The following FGF18 variants were observed in gnomAD, a reference collection of about 807,000 sequenced individuals.
FGF18 encodes fibroblast growth factor 18.
A neutral mutation model predicts 23.0 loss-of-function variants in FGF18; 5 were observed. The ratio of observed to expected loss-of-function variants is 0.22; its 90% CI spans 0.11 to 0.46. The LOEUF (loss-of-function observed/expected upper bound fraction) is 0.46. Among genes scored for constraint, FGF18 ranks in the 20% least tolerant of loss-of-function variants. The pLI, the probability that FGF18 is intolerant of heterozygous loss-of-function variation, is 0.99. For synonymous variants in FGF18, 117 were observed against 118.9 expected, an observed-to-expected ratio of 0.98 and a Z score of 0.10; for missense variants, 180 against 291.6, an observed-to-expected ratio of 0.62 and a Z score of 2.79.
rs189849595 is a variant in FGF18, at chr5:171,432,567, C to T, written c.70-3526C>T. ...GGGATTACAGGCATGCACCACCACACCTGGCTAATTTTTGTATTTTCAGTA... is the reference window on the plus strand; with the variant it reads ...GGGATTACAGGCATGCACCACCACATCTGGCTAATTTTTGTATTTTCAGTA... On this transcript the variant is annotated intron_variant, in intron 2 of 4. Coordinates refer to ENST00000274625, the MANE Select transcript of FGF18 (RefSeq NM_003862.3). 1.8e-3 allele frequency among the ~76,000 whole-genome samples: 268 copies of T among 152,176 alleles called. 1 individual carries two copies. Among genetic ancestry groups the T allele is most frequent in the African/African-American group, 5.5e-3 (230 of 41,514 alleles).
At chr5:171,441,445 C>T (rs1209988839) in intron 3 of FGF18, among the ~76,000 whole-genome samples, 2 of 152,198 alleles carry the variant, frequency 1.3e-5, no homozygotes, top group East Asian at 1.9e-4. Flanking sequence ...CCGGGCATCC[C>T]GTGAACACCC....
rs1392828639 is a variant in FGF18 at position 171,456,530 on chromosome 5, C to T, written c.358-9C>T. 3 of 1,610,384 alleles carry T rather than the reference C, an allele frequency of 1.9e-6. No individual in the cohort carries two copies. The highest frequency in any genetic ancestry group is 3.3e-5 in the Admixed American group (2 of 59,812). On this transcript the variant is annotated splice_polypyrimidine_tract_variant and intron_variant, in intron 4 of 4. Transcript: ENST00000274625. This position sits in a 1 kb window ranked among gnomAD's most constrained non-coding sequence, Gnocchi z 6.1. ...TTTTTCTTGAACACTCCCCCTCTCT[C>T]CCCTGCAGCCCGATGGCACCAGCAA...
Position 171,420,135 on chromosome 5 carries a change from C to T in FGF18, c.-65C>T. 1 of 1,333,014 alleles carries T rather than the reference C, an allele frequency of 7.5e-7. No individual in the cohort carries two copies. The highest frequency in any genetic ancestry group is 9.6e-7 in the Non-Finnish European group (1 of 1,044,402). The allele number at this position is 1,333,014 out of a possible 1,614,324, so 82.6% of individuals were successfully genotyped here. On this transcript the variant is annotated 5_prime_UTR_variant, in exon 1 of 5. Transcript: ENST00000274625. The stretch of plus-strand genomic sequence containing the variant: ...GGCGGCGGCGGCGGAGGCGCCCGGT[C>T]CCGGCCGCGCGGAGCGGACATGTGC...
chr5:171,447,365 G>A (rs1772431779), intron 3 of FGF18, among the ~76,000 whole-genome samples: 1 of 152,242 alleles, frequency 6.6e-6, no homozygotes, highest in African/African-American at 2.4e-5. Flanking sequence ...GTTTGGCCCT[G>A]GGGAGGGAGC....
intron 2 of FGF18, 104 bp from the exon 3 acceptor site, chr5:171,435,989 C>T (rs1320372183): frequency 3.0e-5 from 27 of 904,084 alleles, no homozygotes; most frequent in Non-Finnish European, 3.8e-5. Flanking sequence ...GGCTCAGAGC[C>T]GGTGTAGAGA....
At chr5:171,422,223 T>C (rs1772021023) in intron 2 of FGF18, among the ~76,000 whole-genome samples, 1 of 152,002 alleles carries the variant, frequency 6.6e-6, no homozygotes, top group Non-Finnish European at 1.5e-5. Flanking sequence ...GCATCCCACC[T>C]CCACCTCCTG....
In FGF18 at chr5:171,456,619, C is replaced by G; in HGVS notation, c.438C>G (p.Tyr146Ter). Residue 146 changes from tyrosine (Y) to a stop codon, truncating the protein, a stop_gained, in exon 5 of 5, where the codon TAC becomes TAG. Transcript: ENST00000274625. LOFTEE classifies it high-confidence loss of function. This position sits in a 1 kb window ranked among gnomAD's most constrained non-coding sequence, Gnocchi z 6.1. ...NNYTALMSAK[Y>*]SGWYVGFTKK... ...ACACGGCCCTGATGTCGGCTAAGTA[C>G]TCCGGCTGGTACGTGGGCTTCACCA... 1 of 1,614,138 alleles carries G rather than the reference C, an allele frequency of 6.2e-7. No homozygotes were observed. Among genetic ancestry groups the G allele is most frequent in the Non-Finnish European group, 8.5e-7 (1 of 1,180,032 alleles).
At position 171,420,238 on chromosome 5, in the gene FGF18, G is replaced by T. The variant is rs188805098; in HGVS notation, c.32+7G>T. The T allele has an allele frequency of 5.1e-6, 8 of 1,578,474 alleles. No individual in the cohort carries two copies. In the Admixed American group the frequency reaches 1.3e-4, roughly 25 times the overall value. Reference sequence around the variant, plus strand: ...CCTCCGCCTGCACTTGCCTGTAAGCGCCCGCGCGCGGGGCTGCCCACCTTG... The same window carrying T: ...CCTCCGCCTGCACTTGCCTGTAAGCTCCCGCGCGCGGGGCTGCCCACCTTG... On this transcript the variant is annotated splice_region_variant and intron_variant, in intron 1 of 4. Transcript: ENST00000274625.
At chr5:171,429,967 G>A (rs964423664) in intron 2 of FGF18, among the ~76,000 whole-genome samples, 13 of 152,248 alleles carry the variant, frequency 8.5e-5, no homozygotes, top group African/African-American at 2.4e-4. Context: ...AGAGAGCCTG[G>A]GCTGGATTTG....
In FGF18 at chr5:171,445,147, C is replaced by T. The variant is rs9790978; in HGVS notation, c.251-4000C>T. Among the ~76,000 whole-genome samples, 790 of 152,064 alleles carry T rather than the reference C, an allele frequency of 5.2e-3. 30 individuals carry two copies. In the East Asian group the frequency reaches 0.088, roughly 17 times the overall value. On this transcript the variant is annotated intron_variant, in intron 3 of 4. Transcript: ENST00000274625. ...TGGAAGCTCTGGGCAAAGCAGCCTC[C>T]AGGCAGAGGAACGACATGTGCAAAA...
In FGF18 at chr5:171,430,128, G is replaced by A. The variant is rs1772155134; in HGVS notation, c.70-5965G>A. On this transcript the variant is annotated intron_variant, in intron 2 of 4. Transcript: ENST00000274625. ...AATCCCAGCACTTTGGGAGGCCGAG[G>A]CGGGTGGATCATGAGGTCAGGAGTT... 3.9e-5 allele frequency among the ~76,000 whole-genome samples: 6 copies of A among 152,254 alleles called. No homozygotes were observed. In the South Asian group the frequency reaches 1.2e-3, roughly 32 times the overall value.
chr5:171,455,135 A>G (rs1194712001), intron 4 of FGF18, among the ~76,000 whole-genome samples: 2 of 152,228 alleles, frequency 1.3e-5, no homozygotes, highest in Non-Finnish European at 1.5e-5. Flanking sequence ...GAGGTTACAC[A>G]AGGGAAGTGT....
chr5:171,445,092 C>T (rs1326619160), intron 3 of FGF18, among the ~76,000 whole-genome samples: 3 of 152,126 alleles, frequency 2.0e-5, no homozygotes, highest in Admixed American at 6.5e-5. Context: ...GCAATATTTG[C>T]ACCACAACCT....
intron 2 of FGF18, among the ~76,000 whole-genome samples, chr5:171,423,075 CT>C (rs1247913940): frequency 6.6e-6 from 1 of 152,206 alleles, no homozygotes; most frequent in Non-Finnish European, 1.5e-5. Flanking sequence ...GGTGGAGTTT[CT>C]GGGCCCCTCC....
chr5:171,425,900 G>C (rs1309321978), intron 2 of FGF18, among the ~76,000 whole-genome samples: 2 of 152,168 alleles, frequency 1.3e-5, no homozygotes, highest in Admixed American at 1.3e-4. Context: ...TTCTACAGAG[G>C]AAGAACAAGA....
intron 3 of FGF18, among the ~76,000 whole-genome samples, chr5:171,441,943 G>A (rs1772352339): frequency 6.6e-6 from 1 of 152,002 alleles, no homozygotes. Flanking sequence ...CTTTCTATCC[G>A]GCCAGGCTTG....
chr5:171,445,261 C>T (rs1772401643), intron 3 of FGF18, among the ~76,000 whole-genome samples: 1 of 152,112 alleles, frequency 6.6e-6, no homozygotes, highest in Non-Finnish European at 1.5e-5. Flanking sequence ...GCTGTGTGCC[C>T]TTTGCGGGTC....
intron 3 of FGF18, among the ~76,000 whole-genome samples, chr5:171,437,894 G>A (rs941139976): frequency 4.6e-5 from 7 of 152,130 alleles, no homozygotes; most frequent in African/African-American, 1.7e-4. Context: ...GAGACAGGAG[G>A]CGGGAGCTCG....
At chr5:171,429,080 G>A (rs909017542) in intron 2 of FGF18, among the ~76,000 whole-genome samples, 1 of 152,202 alleles carries the variant, frequency 6.6e-6, no homozygotes, top group Non-Finnish European at 1.5e-5. Flanking sequence ...TGGCTGAGTT[G>A]GTGTGCGGAG....
Sources: allele counts gnomAD v4.1 joint callset (sites outside exome capture counted in the v4.1 genomes callset), GRCh38; gene constraint gnomAD v4.1.1; non-coding constraint Gnocchi (gnomAD v3.1); transcripts MANE v1.5; gene names NCBI Gene and HGNC (gene_info 2026-07-23, HGNC 2026-07-21).